The following DNAH3 variants were observed in gnomAD, a reference collection of about 807,000 sequenced individuals.
DNAH3 encodes the protein axonemal beta dynein heavy chain 3.
In DNAH3, 332 loss-of-function variants were observed where a neutral mutation model predicts 432.5. The observed-to-expected ratio is 0.77, with a 90% CI of 0.70 to 0.84. The LOEUF (loss-of-function observed/expected upper bound fraction) is 0.84. DNAH3 is among the 40% of genes least tolerant of loss of function. The pLI, the probability that DNAH3 is intolerant of heterozygous loss-of-function variation, is 0.00. For missense variants in DNAH3, 4,861 were observed against 5,114.0 expected, an observed-to-expected ratio of 0.95 and a Z score of 1.51; for synonymous variants, 1,956 against 1,900.2, an observed-to-expected ratio of 1.03 and a Z score of -0.76.
At chr16:21,133,766 G>A (rs965479027) in intron 7 of DNAH3, among the ~76,000 whole-genome samples, 2 of 152,166 alleles carry the variant, frequency 1.3e-5, no homozygotes, top group Admixed American at 1.3e-4. Flanking sequence ...GGGTGATGTT[G>A]TAATGGAGGT....
chr16:21,157,982 A>G (rs1262699456), intron 1 of DNAH3, among the ~76,000 whole-genome samples: 2 of 152,044 alleles, frequency 1.3e-5, no homozygotes, highest in African/African-American at 4.8e-5. Flanking sequence ...AACATTCTAC[A>G]ATCCACAGCT....
At position 20,997,308 on chromosome 16, in the gene DNAH3, G is replaced by T. The variant is rs748557479; in HGVS notation, c.6576C>A (p.Pro2192=). The T allele has an allele frequency of 3.7e-6, 6 of 1,613,722 alleles. No homozygotes were observed. In the East Asian group the frequency reaches 1.1e-4, roughly 30 times the overall value. Reference sequence around the variant, plus strand: ...CAGTAATGTCATTCCTTCCTCCCCCGGGGGGCCCCATGGCTGTCACGAGCA... The same window carrying T: ...CAGTAATGTCATTCCTTCCTCCCCCTGGGGGCCCCATGGCTGTCACGAGCA... The change falls in exon 44 of 62, where the codon CCC becomes CCA. Residue 2192 remains proline, a synonymous_variant. Transcript: ENST00000261383.
intron 52 of DNAH3, among the ~76,000 whole-genome samples, chr16:20,965,862 G>A (rs932475500): frequency 6.7e-6 from 1 of 149,764 alleles, no homozygotes; most frequent in African/African-American, 2.5e-5. Flanking sequence ...ACAGGCATGT[G>A]CCACCATGCC....
intron 37 of DNAH3, among the ~76,000 whole-genome samples, chr16:21,029,529 G>A (rs1428151898): frequency 6.6e-6 from 1 of 152,174 alleles, no homozygotes; most frequent in Non-Finnish European, 1.5e-5. Flanking sequence ...TACAGATGAT[G>A]AAGTTGGGGC....
intron 54 of DNAH3, among the ~76,000 whole-genome samples, chr16:20,957,452 A>C (rs1026550463): frequency 6.6e-6 from 1 of 151,996 alleles, no homozygotes; most frequent in Non-Finnish European, 1.5e-5. Context: ...CAAGCTATAC[A>C]AAAAAAACTG....
intron 31 of DNAH3, among the ~76,000 whole-genome samples, chr16:21,045,275 T>G (rs2089642812): frequency 6.6e-6 from 1 of 152,020 alleles, no homozygotes; most frequent in Middle Eastern, 3.4e-3. Flanking sequence ...GTACCTCTGG[T>G]AGAATTCGGC....
chr16:21,098,675 T>A (rs2091758011), exon 17 of DNAH3: 2 of 1,613,892 alleles, frequency 1.2e-6, no homozygotes, highest in Non-Finnish European at 1.7e-6. Context: ...TTTTCAACAT[T>A]GTGCTTCATT....
At chr16:21,062,872 G>C in intron 24 of DNAH3, 189 bp from the exon 25 acceptor site, 1 of 589,410 alleles carries the variant, frequency 1.7e-6, no homozygotes, top group Non-Finnish European at 3.0e-6. Context: ...CTTTTCTTAA[G>C]AGATGAGGTC....
chr16:20,975,549 C>T (rs1597020384), intron 50 of DNAH3, 134 bp from the exon 51 acceptor site: 1 of 853,220 alleles, frequency 1.2e-6, no homozygotes, highest in South Asian at 1.8e-5. Context: ...GTCCTGGGTA[C>T]AGATTCGTTT....
intron 41 of DNAH3, among the ~76,000 whole-genome samples, chr16:21,007,653 T>G (rs2087379772): frequency 6.6e-6 from 1 of 152,204 alleles, no homozygotes; most frequent in South Asian, 2.1e-4. Context: ...TCACCCATTC[T>G]GTGGGATTTT....
chr16:21,000,280 C>T (rs576816992), exon 43 of DNAH3: 23 of 1,614,086 alleles, frequency 1.4e-5, no homozygotes, highest in African/African-American at 8.0e-5. Flanking sequence ...CTTCCGTCGT[C>T]GATCCAGCTT....
At chr16:21,042,080 T>C in exon 32 of DNAH3, 1 of 1,614,026 alleles carries the variant, frequency 6.2e-7, no homozygotes, top group Non-Finnish European at 8.5e-7. Context: ...TTCATGGTGA[T>C]GAACACAGCG....
At chr16:21,151,194 C>T (rs1403056708) in intron 1 of DNAH3, among the ~76,000 whole-genome samples, 5 of 152,086 alleles carry the variant, frequency 3.3e-5, no homozygotes, top group South Asian at 2.1e-4. Flanking sequence ...GTGTCCTTTC[C>T]GTCTGTAAAA....
intron 40 of DNAH3, among the ~76,000 whole-genome samples, chr16:21,020,370 AATCAC>A (rs1567647666): frequency 2.6e-4 from 14 of 54,560 alleles, no homozygotes; most frequent in Non-Finnish European, 2.9e-4. Context: ...ATATATATAA[AATCAC>A]TATATATATA....
chr16:21,032,354 T>C (rs2088927028), intron 36 of DNAH3, among the ~76,000 whole-genome samples: 1 of 152,186 alleles, frequency 6.6e-6, no homozygotes, highest in African/African-American at 2.4e-5. Context: ...GTGAGTGTCA[T>C]TTGTTCCCAA....
Position 20,987,808 on chromosome 16 carries a change from C to G in DNAH3, c.6767G>C (p.Arg2256Thr), listed in dbSNP as rs2086276848. ...TGGCAAGAAGTTCTCCACTGCATCT[C>G]TATAAATTGTCTTAGTAGCTTGGAC... The change falls in exon 46 of 62, where the codon AGA (arginine) becomes ACA (threonine). Residue 2256 changes from arginine to threonine, a missense_variant. Physicochemically the swap from Arg to Thr is moderately conservative, Grantham distance 71. Transcript: ENST00000261383. The G allele has an allele frequency of 1.2e-6, 2 of 1,613,986 alleles. No individual in the cohort carries two copies. Among genetic ancestry groups the G allele is most frequent in the African/African-American group, 2.7e-5 (2 of 74,892 alleles).
At chr16:20,983,967 C>T (rs890818451) in intron 48 of DNAH3, among the ~76,000 whole-genome samples, 4 of 147,862 alleles carry the variant, frequency 2.7e-5, no homozygotes, top group Non-Finnish European at 5.9e-5. Context: ...GTTGAGCCTG[C>T]AGTGAGCTAG....
intron 11 of DNAH3, among the ~76,000 whole-genome samples, chr16:21,119,427 T>C (rs2092284081): frequency 6.6e-6 from 1 of 150,872 alleles, no homozygotes; most frequent in Non-Finnish European, 1.5e-5. Flanking sequence ...AGCTCACGAG[T>C]TCAAGACCAG....
chr16:21,063,358 G>C (rs952918755), intron 24 of DNAH3, among the ~76,000 whole-genome samples: 9 of 152,138 alleles, frequency 5.9e-5, no homozygotes, highest in Middle Eastern at 3.4e-3. Context: ...AGACTTCCTT[G>C]TCTTTCCTTC....
Sources: gnomAD v4.1 joint callset for allele counts (sites outside exome capture counted in the v4.1 genomes callset) on GRCh38, gnomAD v4.1.1 for gene constraint, MANE v1.5 for transcripts, NCBI Gene and HGNC (gene_info 2026-07-23, HGNC 2026-07-21) for gene names.